The following RBFOX3 variants were observed in gnomAD, a reference collection of about 807,000 sequenced individuals.
RBFOX3 encodes the protein RNA binding fox-1 homolog 3, also known as RNA binding protein fox-1 homolog 3.
RBFOX3 carries 17 observed loss-of-function variants against 48.7 expected under a neutral mutation model. That is an observed-to-expected ratio of 0.35 (90% confidence interval 0.24 to 0.52). The LOEUF (loss-of-function observed/expected upper bound fraction) is 0.52. Among genes scored for constraint, RBFOX3 ranks in the 20% least tolerant of loss-of-function variants. The pLI, the probability that RBFOX3 is intolerant of heterozygous loss-of-function variation, is 0.94. For synonymous variants in RBFOX3, 212 were observed against 209.5 expected (o/e 1.01, Z -0.10); for missense variants, 382 against 497.5 (o/e 0.77, Z 2.21).
At chr17:79,625,082 T>C in the RBFOX3 span, among the ~76,000 whole-genome samples, 1 of 151,970 alleles carries the variant, frequency 6.6e-6, no homozygotes. Flanking sequence ...CGTGAAACCA[T>C]CACCACCATC....
At chr17:79,353,230 GTGTT>G (rs570462357) in intron 2 of RBFOX3, among the ~76,000 whole-genome samples, 53 of 152,324 alleles carry the variant, frequency 3.5e-4, no homozygotes, top group African/African-American at 1.2e-3. Context: ...GCGCAAGTGT[GTGTT>G]TGAGTCCCTG....
intron 4 of RBFOX3, among the ~76,000 whole-genome samples, chr17:79,142,272 C>CTGGGGA (rs1315136445): frequency 6.6e-6 from 1 of 152,172 alleles, no homozygotes; most frequent in Non-Finnish European, 1.5e-5. Flanking sequence ...TTACCTGCCT[C>CTGGGGA]TGGGGATGGG....
intron 3 of RBFOX3, among the ~76,000 whole-genome samples, chr17:79,270,469 C>T (rs538968046): frequency 6.6e-6 from 1 of 152,354 alleles, no homozygotes; most frequent in Admixed American, 6.5e-5. Context: ...TGTGACCCAT[C>T]CACCATGCCT....
chr17:79,137,304 TAC>T (rs144038822), intron 4 of RBFOX3, among the ~76,000 whole-genome samples: 1 of 151,684 alleles, frequency 6.6e-6, no homozygotes, highest in Non-Finnish European at 1.5e-5. Context: ...TGTACACGTG[TAC>T]ACACACACAC....
chr17:79,440,424 A>T (rs2070641015), intron 2 of RBFOX3, among the ~76,000 whole-genome samples: 2 of 152,082 alleles, frequency 1.3e-5, no homozygotes, highest in African/African-American at 4.8e-5. Flanking sequence ...CTGATCTCCT[A>T]GCCAGCTCCC....
chr17:79,144,840 G>A (rs942602063), intron 4 of RBFOX3, among the ~76,000 whole-genome samples: 1 of 151,832 alleles, frequency 6.6e-6, no homozygotes, highest in Non-Finnish European at 1.5e-5. Flanking sequence ...GAGGGCCCGA[G>A]GCAAACGCCC....
intron 2 of RBFOX3, among the ~76,000 whole-genome samples, chr17:79,393,258 G>A (rs2061565829): frequency 1.3e-5 from 2 of 152,234 alleles, no homozygotes; most frequent in Admixed American, 6.5e-5. Flanking sequence ...AGCACAGGGG[G>A]AAAGGGAGGC....
chr17:79,512,085 C>A (rs2084367216), intron 1 of RBFOX3, among the ~76,000 whole-genome samples: 2 of 131,086 alleles, frequency 1.5e-5, no homozygotes. Flanking sequence ...ATACATATTA[C>A]CATCGAGTAC....
chr17:79,394,892 C>T lies in RBFOX3; in HGVS notation c.-174-87068G>A, dbSNP rs567886856. ...AAGAGCTAGGAGAAGGGCCTGGAGA[C>T]GCAACACAGGCGCTCGGGGCGTGTG... On this transcript the variant is annotated intron_variant, in intron 2 of 14. Transcript: ENST00000693108. Among the ~76,000 whole-genome samples, 12 of 152,316 alleles carry T rather than the reference C, an allele frequency of 7.9e-5. No homozygotes were observed. In the South Asian group the frequency reaches 1.7e-3, roughly 21 times the overall value.
At chr17:79,097,176 C>A in intron 11 of RBFOX3, 116 bp downstream of exon 11, 1 of 872,068 alleles carries the variant, frequency 1.1e-6, no homozygotes, top group Non-Finnish European at 1.7e-6. Context: ...ACGATCCTCC[C>A]CCCCCCCAGG....
chr17:79,526,319 G>A (rs1250409581), intron 1 of RBFOX3, among the ~76,000 whole-genome samples: 1 of 152,220 alleles, frequency 6.6e-6, no homozygotes, highest in Admixed American at 6.5e-5. Flanking sequence ...TCATGAGGAA[G>A]CCAGCCTCAT....
chr17:79,412,376 G>T (rs1446172759), intron 2 of RBFOX3, among the ~76,000 whole-genome samples: 1 of 151,950 alleles, frequency 6.6e-6, no homozygotes, highest in African/African-American at 2.4e-5. Context: ...GCACATGTGT[G>T]TATGTGTGAA....
At chr17:79,426,377 CA>C (rs1209987501) in intron 2 of RBFOX3, among the ~76,000 whole-genome samples, 1 of 152,172 alleles carries the variant, frequency 6.6e-6, no homozygotes, top group Non-Finnish European at 1.5e-5. Context: ...ACCTCAGGGT[CA>C]GGGGAACAAC....
At position 79,381,394 on chromosome 17, in the gene RBFOX3, TTCTTTGTACGGAG is replaced by T. The variant is rs572246699; in HGVS notation, c.-174-73583_-174-73571del. On this transcript the variant is annotated intron_variant, in intron 2 of 14. Coordinates refer to ENST00000693108, the MANE Select transcript of RBFOX3 (RefSeq NM_001350451.2). ...CATGCATGAGATGGTGTACATGTTT[TTCTTTGTACGGAG>T]TCTTTGAAGCCCAGCGCGTGTGTCC... Among the ~76,000 whole-genome samples, 406 of 152,366 alleles carry T rather than the reference TTCTTTGTACGGAG, an allele frequency of 2.7e-3. 3 individuals are homozygous for T. The highest frequency in any genetic ancestry group is 9.4e-3 in the African/African-American group (393 of 41,592).
chr17:79,097,623 AGAGCCCCCG>A (rs1194235187), intron 10 of RBFOX3, 60 bp downstream of exon 10: 62 of 438,030 alleles, frequency 1.4e-4, no homozygotes, highest in African/African-American at 2.5e-4. Context: ...CCCCGCCCCC[AGAGCCCCCG>A]GAGCCCCACG....
chr17:79,244,131 A>C lies in RBFOX3; in HGVS notation c.-73-8326T>G, dbSNP rs529481737. 7.9e-5 allele frequency among the ~76,000 whole-genome samples: 12 copies of C among 152,278 alleles called. No individual in the cohort carries two copies. In the South Asian group the frequency reaches 2.3e-3, roughly 29 times the overall value. ...TTGGAAACAGGTTCTTTGCAAATGTAATTAGTGAAGATGAGGTCATAGTGG... is the reference window on the plus strand; with the variant it reads ...TTGGAAACAGGTTCTTTGCAAATGTCATTAGTGAAGATGAGGTCATAGTGG... On this transcript the variant is annotated intron_variant, in intron 3 of 14. Coordinates refer to ENST00000693108, the MANE Select transcript of RBFOX3 (RefSeq NM_001350451.2).
chr17:79,416,086 C>T (rs1450031251), intron 2 of RBFOX3, among the ~76,000 whole-genome samples: 2 of 152,204 alleles, frequency 1.3e-5, no homozygotes, highest in East Asian at 1.9e-4. Flanking sequence ...TGTGGTGCAA[C>T]GGAGTCCTTC....
chr17:79,327,307 G>C (rs745934359), intron 2 of RBFOX3, among the ~76,000 whole-genome samples: 42 of 152,224 alleles, frequency 2.8e-4, no homozygotes, highest in Admixed American at 5.2e-4. Flanking sequence ...GGAAGGGTAA[G>C]TCCTCCAACT....
At chr17:79,219,470 C>T (rs147626962) in intron 4 of RBFOX3, among the ~76,000 whole-genome samples, 82 of 152,308 alleles carry the variant, frequency 5.4e-4, no homozygotes, top group Middle Eastern at 3.4e-3. Context: ...CTCCCAGTTC[C>T]GCCCAGTTGA....
Sources: allele counts gnomAD v4.1 joint callset (sites outside exome capture counted in the v4.1 genomes callset), GRCh38; gene constraint gnomAD v4.1.1; transcripts MANE v1.5; gene names NCBI Gene and HGNC (gene_info 2026-07-23, HGNC 2026-07-21).